The following CEP95 variants were observed in gnomAD, a reference collection of about 807,000 sequenced individuals.
The protein encoded by CEP95 is centrosomal protein of 95 kDa.
Under a neutral mutation model 111.2 loss-of-function variants are expected in CEP95, and 98 were observed. The ratio of observed to expected loss-of-function variants is 0.88; its 90% CI spans 0.75 to 1.04. The LOEUF is 1.04. CEP95 is among the 50% of genes least tolerant of loss of function. CEP95 has a pLI of 0.00. For missense variants in CEP95, 1,027 were observed against 977.2 expected (o/e 1.05, Z -0.68); for synonymous variants, 323 against 327.1 (o/e 0.99, Z 0.14).
intron 17 of CEP95, 114 bp from the exon 18 acceptor site, chr17:64,536,488 G>A (rs1568160114): frequency 1.0e-5 from 7 of 682,874 alleles, no homozygotes; most frequent in Non-Finnish European, 1.2e-5. Context: ...CAAAACATCT[G>A]AATAAAACTA....
chr17:64,527,490 C>T (rs1555679358), intron 11 of CEP95, among the ~76,000 whole-genome samples: 2 of 152,130 alleles, frequency 1.3e-5, no homozygotes, highest in East Asian at 1.9e-4. Flanking sequence ...GTAGAAACCC[C>T]CTCTGCTCTC....
chr17:64,522,762 C>A lies in CEP95; in HGVS notation c.776C>A (p.Ala259Glu), dbSNP rs782749276. ...NARKLGEPIR[A>E]AIPLHPPYHP... The stretch of plus-strand genomic sequence containing the variant: ...AGGAAGCTAGGGGAGCCTATCCGAG[C>A]AGCTATTCCTTTACATCCACCCTAC... Residue 259 changes from alanine to glutamate, a missense_variant, in exon 8 of 20, where the codon GCA (alanine) becomes GAA (glutamate). Physicochemically the swap from Ala to Glu is moderately radical, Grantham distance 107. Transcript: ENST00000556440. 1.7e-5 allele frequency: 27 copies of A among 1,613,764 alleles called. No individual in the cohort carries two copies. Among genetic ancestry groups the A allele is most frequent in the Non-Finnish European group, 2.1e-5 (25 of 1,179,834 alleles).
intron 14 of CEP95, chr17:64,532,606 G>A (rs1968357293): frequency 7.7e-7 from 1 of 1,301,086 alleles, no homozygotes; most frequent in Admixed American, 3.8e-5. Context: ...AATTAGGATG[G>A]ACTTCCCAGG....
At position 64,522,492 on chromosome 17, in the gene CEP95, TAAAAA is replaced by T. The variant is rs544103500; in HGVS notation, c.716-202_716-198del. 4.1e-5 allele frequency among the ~76,000 whole-genome samples: 6 copies of T among 146,806 alleles called. No homozygotes were observed. The South Asian group carries it at 1.3e-3, about 32-fold the overall frequency. On this transcript the variant is annotated intron_variant, in intron 7 of 19. Coordinates refer to ENST00000556440, the MANE Select transcript of CEP95 (RefSeq NM_138363.3). ...CCTCATCTCTACTTTTTTTAAAAATTAAAAAAAAAAAATTACATCCTAATTTAATT... is the reference window on the plus strand; with the variant it reads ...CCTCATCTCTACTTTTTTTAAAAATTAAAAAAATTACATCCTAATTTAATT...
At chr17:64,531,562 AAG>A (rs1555680338) in intron 13 of CEP95, among the ~76,000 whole-genome samples, 1 of 152,194 alleles carries the variant, frequency 6.6e-6, no homozygotes, top group African/African-American at 2.4e-5. Context: ...TACATGGAAA[AAG>A]AGAAGTACAT....
chr17:64,518,883 T>C (rs1967089772), intron 5 of CEP95, among the ~76,000 whole-genome samples: 1 of 152,168 alleles, frequency 6.6e-6, no homozygotes, highest in Non-Finnish European at 1.5e-5. Context: ...GGTTTCACTA[T>C]GTTGGCCAGG....
rs552832809 is a variant in CEP95 at position 64,527,889 on chromosome 17, T to C, written c.1306+625T>C. Among the ~76,000 whole-genome samples, 183 of 142,998 alleles carry C rather than the reference T, an allele frequency of 1.3e-3. 1 individual carries two copies. The East Asian group carries it at 0.025, about 20-fold the overall frequency. The allele number at this position is 142,998 out of a possible 152,430, so 93.8% of individuals were successfully genotyped here. A position where few individuals can be genotyped will look rare whatever the true frequency, so the allele number is the denominator to read the frequency against. On this transcript the variant is annotated intron_variant, in intron 11 of 19. Coordinates refer to ENST00000556440, the MANE Select transcript of CEP95 (RefSeq NM_138363.3). ...GTGTGTGTATATATATATATATATA[T>C]ATACACACACACACACACGCGTGTA...
intron 8 of CEP95, among the ~76,000 whole-genome samples, chr17:64,525,324 A>G (rs1190472446): frequency 2.0e-5 from 3 of 146,640 alleles, no homozygotes; most frequent in Non-Finnish European, 4.5e-5. Context: ...AAACTGTCTC[A>G]AAAAAAAAAG....
intron 1 of CEP95, chr17:64,507,739 A>T: frequency 1.0e-6 from 1 of 985,820 alleles, no homozygotes; most frequent in Non-Finnish European, 1.2e-6. Context: ...GAGGGGGATT[A>T]TGTGCATGGA....
chr17:64,508,763 G>C, intron 2 of CEP95, 43 bp downstream of exon 2: 1 of 1,141,780 alleles, frequency 8.8e-7, no homozygotes, highest in Non-Finnish European at 1.2e-6. Flanking sequence ...TATATCTTAG[G>C]CCAAAAGTTT....
chr17:64,511,948 A>G (rs1555675193), intron 3 of CEP95, among the ~76,000 whole-genome samples: 2 of 152,168 alleles, frequency 1.3e-5, no homozygotes, highest in African/African-American at 2.4e-5. Flanking sequence ...GTATTGTTTT[A>G]TTTTAAAGCA....
At chr17:64,528,700 T>C (rs1555679652) in intron 11 of CEP95, among the ~76,000 whole-genome samples, 1 of 152,228 alleles carries the variant, frequency 6.6e-6, no homozygotes, top group South Asian at 2.1e-4. Context: ...CTTTTCCCAC[T>C]GGAGTCACCC....
intron 17 of CEP95, chr17:64,535,673 C>T (rs1318666586): frequency 2.0e-5 from 3 of 152,140 alleles, no homozygotes; most frequent in African/African-American, 7.2e-5. Flanking sequence ...AACAATCTAG[C>T]AGTTCCTCAG....
At position 64,525,839 on chromosome 17, in the gene CEP95, C is replaced by T; in HGVS notation, c.979C>T (p.Gln327Ter). 6.3e-7 allele frequency: 1 copy of T among 1,599,820 alleles called. No homozygotes were observed. The highest frequency in any genetic ancestry group is 8.5e-7 in the Non-Finnish European group (1 of 1,176,010). Residue 327 changes from glutamine (Q) to a stop codon, truncating the protein, a stop_gained, in exon 9 of 20, where the codon CAG becomes TAG. Coordinates refer to ENST00000556440, the MANE Select transcript of CEP95 (RefSeq NM_138363.3). LOFTEE classifies it high-confidence loss of function. ...KGSKWEVYPA[Q>*]VQGPRTRKPP... ...CAGCAAATGGGAAGTATATCCAGCT[C>T]AGGTCCAAGGGCCTAGGACAAGGAA...
At position 64,510,248 on chromosome 17, in the gene CEP95, A is replaced by T. The variant is rs1352411636; in HGVS notation, c.224A>T (p.Asp75Val). The change falls in exon 3 of 20, where the codon GAC becomes GTC. Residue 75 changes from aspartate to valine, a missense_variant. By Grantham distance (152) the Asp-to-Val change is radical. Coordinates refer to ENST00000556440, the MANE Select transcript of CEP95 (RefSeq NM_138363.3). ...VQAVIDSLAL[D>V]YLQVSLSHIT... The stretch of plus-strand genomic sequence containing the variant: ...GCAGTAATTGATTCACTGGCCTTGG[A>T]CTACTTGCAGGTCAGCTTGTCTCAC... 5.4e-5 allele frequency: 87 copies of T among 1,610,504 alleles called. No homozygotes were observed. The highest frequency in any genetic ancestry group is 7.1e-5 in the Non-Finnish European group (84 of 1,177,822).
chr17:64,523,360 A>G (rs1382965456), intron 8 of CEP95, among the ~76,000 whole-genome samples: 1 of 152,194 alleles, frequency 6.6e-6, no homozygotes, highest in Non-Finnish European at 1.5e-5. Flanking sequence ...GAACTTGGAC[A>G]TTCTGGCTTC....
Position 64,508,575 on chromosome 17 carries a change from C to T in CEP95, c.20-17C>T, listed in dbSNP as rs782555406. ...TGGTGGTTTTTAAGACTGATCTTTC[C>T]CCCTTTTTCCCAACAGAGTGGGTAA... On this transcript the variant is annotated splice_polypyrimidine_tract_variant and intron_variant, in intron 1 of 19. Transcript: ENST00000556440. 8 of 1,362,000 alleles carry T rather than the reference C, an allele frequency of 5.9e-6. No homozygotes were observed. Among genetic ancestry groups the T allele is most frequent in the South Asian group, 4.1e-5 (2 of 48,630 alleles). The allele number at this position is 1,362,000 out of a possible 1,614,324, so 84.4% of individuals were successfully genotyped here.
At position 64,508,686 on chromosome 17, in the gene CEP95, T is replaced by C. The variant is rs782385693; in HGVS notation, c.114T>C (p.Ala38=). 5.5e-6 allele frequency: 8 copies of C among 1,444,004 alleles called. No homozygotes were observed. Among genetic ancestry groups the C allele is most frequent in the Non-Finnish European group, 7.4e-6 (8 of 1,088,332 alleles). The allele number at this position is 1,444,004 out of a possible 1,614,324, so 89.4% of individuals were successfully genotyped here. A position where few individuals can be genotyped will look rare whatever the true frequency, so the allele number is the denominator to read the frequency against. Residue 38 remains alanine, a synonymous_variant, in exon 2 of 20, where the codon GCT becomes GCC. Transcript: ENST00000556440. ...LQDCDANVFI[A]LYQSILGEKV... Reference sequence around the variant, plus strand: ...ACTGTGATGCTAATGTTTTTATTGCTCTTTATCAGTCTATTTTGGGAGAAA... The same window carrying C: ...ACTGTGATGCTAATGTTTTTATTGCCCTTTATCAGTCTATTTTGGGAGAAA...
intron 14 of CEP95, 72 bp from the exon 15 acceptor site, chr17:64,532,767 G>A: frequency 6.6e-7 from 1 of 1,523,476 alleles, no homozygotes; most frequent in Non-Finnish European, 8.8e-7. Flanking sequence ...CATAAGCTTT[G>A]ATCTACCAGG....
Sources: gnomAD v4.1 joint callset for allele counts (sites outside exome capture counted in the v4.1 genomes callset) on GRCh38, gnomAD v4.1.1 for gene constraint, MANE v1.5 for transcripts, NCBI Gene and HGNC (gene_info 2026-07-23, HGNC 2026-07-21) for gene names.